The following ZNF385D variants were observed in gnomAD, a reference collection of about 807,000 sequenced individuals.
ZNF385D encodes zinc finger protein 385D, also known as zinc finger protein 659.
A neutral mutation model predicts 35.8 loss-of-function variants in ZNF385D; 15 were observed. That is an observed-to-expected ratio of 0.42 (90% CI 0.28 to 0.64). ZNF385D has a LOEUF of 0.64. Ranked by LOEUF, ZNF385D falls within the 30% of genes least tolerant of loss-of-function variation. The pLI, the probability that ZNF385D is intolerant of heterozygous loss-of-function variation, is 0.23. For missense variants in ZNF385D, 474 were observed against 494.6 expected, an observed-to-expected ratio of 0.96 and a Z score of 0.39; for synonymous variants, 212 against 186.8, an observed-to-expected ratio of 1.13 and a Z score of -1.10.
chr3:21,673,753 A>T (rs1325280662), intron 1 of ZNF385D, among the ~76,000 whole-genome samples: 1 of 152,146 alleles, frequency 6.6e-6, no homozygotes, highest in South Asian at 2.1e-4. Flanking sequence ...ATAATATCAC[A>T]TTTTTGAACC....
At chr3:21,981,767 A>T (rs1322190083) in intron 3 of ZNF385D, among the ~76,000 whole-genome samples, 1 of 152,142 alleles carries the variant, frequency 6.6e-6, no homozygotes, top group African/African-American at 2.4e-5. Flanking sequence ...GTCCAGCTTC[A>T]ATCTTCTGCT....
intron 3 of ZNF385D, among the ~76,000 whole-genome samples, chr3:21,935,484 A>C (rs1701214666): frequency 6.6e-6 from 1 of 152,154 alleles, no homozygotes; most frequent in South Asian, 2.1e-4. Flanking sequence ...GTTTGAACCT[A>C]GATAGTTAAG....
At chr3:21,641,744 G>T (rs1273518148) in intron 2 of ZNF385D, among the ~76,000 whole-genome samples, 1 of 149,412 alleles carries the variant, frequency 6.7e-6, no homozygotes, top group African/African-American at 2.5e-5. Flanking sequence ...CCAAAGTGCT[G>T]TTGATACAGG....
chr3:22,094,244 C>T (rs1473403936), intron 3 of ZNF385D, among the ~76,000 whole-genome samples: 1 of 148,812 alleles, frequency 6.7e-6, no homozygotes, highest in East Asian at 2.0e-4. Context: ...TTCAAAAATT[C>T]TCATGGCTAT....
chr3:21,883,369 T>G (rs933607405), intron 3 of ZNF385D, among the ~76,000 whole-genome samples: 3 of 152,012 alleles, frequency 2.0e-5, no homozygotes, highest in Non-Finnish European at 2.9e-5. Context: ...AACTAAATGA[T>G]TTTTCTAACC....
intron 3 of ZNF385D, among the ~76,000 whole-genome samples, chr3:21,940,996 T>C (rs1701489410): frequency 1.3e-5 from 2 of 152,182 alleles, no homozygotes; most frequent in Non-Finnish European, 2.9e-5. Flanking sequence ...TCTAAAGTGT[T>C]TGAAACCGAT....
At chr3:21,722,848 C>T (rs1032700111) in intron 1 of ZNF385D, among the ~76,000 whole-genome samples, 7 of 152,178 alleles carry the variant, frequency 4.6e-5, no homozygotes, top group African/African-American at 9.7e-5. Flanking sequence ...TTTCATCCAC[C>T]GGATTTTTCT....
chr3:21,460,361 C>G (rs1238905097), intron 4 of ZNF385D, among the ~76,000 whole-genome samples: 1 of 152,048 alleles, frequency 6.6e-6, no homozygotes, highest in East Asian at 1.9e-4. Context: ...GACACCAGAT[C>G]GTGTCAAAAA....
intron 3 of ZNF385D, among the ~76,000 whole-genome samples, chr3:21,879,165 T>C (rs1314710058): frequency 6.6e-6 from 1 of 152,052 alleles, no homozygotes; most frequent in African/African-American, 2.4e-5. Flanking sequence ...TTACCTCTTG[T>C]TGAATTTTTA....
chr3:21,970,400 G>A (rs1703173222), intron 3 of ZNF385D, among the ~76,000 whole-genome samples: 1 of 151,170 alleles, frequency 6.6e-6, no homozygotes, highest in Non-Finnish European at 1.5e-5. Context: ...AGAAAATGCA[G>A]TTGACATACT....
intron 2 of ZNF385D, among the ~76,000 whole-genome samples, chr3:21,619,217 G>T (rs1452035226): frequency 6.6e-6 from 1 of 152,090 alleles, no homozygotes; most frequent in Non-Finnish European, 1.5e-5. Flanking sequence ...GTCCTATTTT[G>T]GGGGAAGCAG....
At chr3:22,144,689 G>A (rs976941328) in intron 3 of ZNF385D, among the ~76,000 whole-genome samples, 1 of 150,368 alleles carries the variant, frequency 6.7e-6, no homozygotes, top group Non-Finnish European at 1.5e-5. Flanking sequence ...AGTACATAGT[G>A]ATCAGCAGTA....
intron 3 of ZNF385D, among the ~76,000 whole-genome samples, chr3:21,563,818 C>A (rs2063043966): frequency 6.6e-6 from 1 of 152,148 alleles, no homozygotes; most frequent in Non-Finnish European, 1.5e-5. Flanking sequence ...TAGGACTTAA[C>A]TTCATATCAA....
At chr3:22,172,933 C>T (rs1368507676) in intron 2 of ZNF385D, among the ~76,000 whole-genome samples, 8 of 152,076 alleles carry the variant, frequency 5.3e-5, no homozygotes, top group African/African-American at 1.9e-4. Context: ...CAGTGTGGTA[C>T]AGAAAGAGGA....
At chr3:21,551,604 A>G (rs2062570916) in intron 3 of ZNF385D, among the ~76,000 whole-genome samples, 1 of 152,190 alleles carries the variant, frequency 6.6e-6, no homozygotes. Context: ...TCAAAGGCAC[A>G]TTACTAATTT....
At chr3:21,421,675 A>G (rs1176986604) in intron 7 of ZNF385D, among the ~76,000 whole-genome samples, 1 of 152,236 alleles carries the variant, frequency 6.6e-6, no homozygotes, top group Non-Finnish European at 1.5e-5. Flanking sequence ...AAAGTTCTCT[A>G]GAAAAGTACT....
intron 3 of ZNF385D, among the ~76,000 whole-genome samples, chr3:21,971,400 T>C (rs150740561): frequency 6.6e-6 from 1 of 151,976 alleles, no homozygotes; most frequent in African/African-American, 2.4e-5. Context: ...AAAGGTTAAG[T>C]TGTCATCAGT....
intron 3 of ZNF385D, among the ~76,000 whole-genome samples, chr3:21,862,713 C>T (rs1697124101): frequency 6.6e-6 from 1 of 152,168 alleles, no homozygotes; most frequent in African/African-American, 2.4e-5. Context: ...AGGCCAGCAG[C>T]TAGCTGTGCC....
At chr3:22,022,864 A>C (rs1697306084) in intron 3 of ZNF385D, among the ~76,000 whole-genome samples, 1 of 152,168 alleles carries the variant, frequency 6.6e-6, no homozygotes, top group African/African-American at 2.4e-5. Context: ...TAAAAGAATT[A>C]AGTCCACTTT....
Sources: gnomAD v4.1 joint callset for allele counts (sites outside exome capture counted in the v4.1 genomes callset) on GRCh38, gnomAD v4.1.1 for gene constraint, MANE v1.5 for transcripts, NCBI Gene and HGNC (gene_info 2026-07-23, HGNC 2026-07-21) for gene names.